AGPAT3: variants seen among roughly 807,000 people sequenced by gnomAD.
AGPAT3 encodes the protein 1-acylglycerol-3-phosphate O-acyltransferase 3.
Under a neutral mutation model 47.3 loss-of-function variants are expected in AGPAT3, and 5 were observed. The ratio of observed to expected loss-of-function variants is 0.11; its 90% CI spans 0.06 to 0.22. The LOEUF is 0.22. Among genes scored for constraint, AGPAT3 ranks in the 10% least tolerant of loss-of-function variants. The pLI, the probability that AGPAT3 is intolerant of heterozygous loss-of-function variation, is 1.00. For missense variants in AGPAT3, 315 were observed against 493.0 expected (o/e 0.64, Z 3.42); for synonymous variants, 212 against 208.3 (o/e 1.02, Z -0.15).
intron 8 of AGPAT3, among the ~76,000 whole-genome samples, chr21:43,979,996 G>A (rs912847990): frequency 1.1e-4 from 17 of 152,040 alleles, no homozygotes; most frequent in East Asian, 1.9e-4. Flanking sequence ...AAAAGAGAGC[G>A]GGTCGGCCAG....
intron 2 of AGPAT3, among the ~76,000 whole-genome samples, chr21:43,905,141 T>TC (rs1261964450): frequency 2.0e-5 from 3 of 149,336 alleles, no homozygotes; most frequent in African/African-American, 7.4e-5. Flanking sequence ...TTAGTGTCTC[T>TC]TTTTTTAAAA....
rs551116199 is a variant in AGPAT3, at chr21:43,985,565, C to G, written c.*3173C>G. The G allele has an allele frequency of 7.5e-6, 2 of 266,916 alleles. No individual in the cohort carries two copies. The highest frequency in any genetic ancestry group is 7.5e-5 in the South Asian group (2 of 26,662). 16.5% of individuals were successfully genotyped at this position (266,916 alleles called of 1,614,324 possible). ...AAGGAAAAGCCGTGGTTGGACCCAG[C>G]TGTGTGTTTCACTCACGTGCAATTG... On this transcript the variant is annotated 3_prime_UTR_variant, in exon 10 of 10. Transcript: ENST00000291572.
chr21:43,876,688 C>T (rs1248685514), intron 1 of AGPAT3, among the ~76,000 whole-genome samples: 1 of 152,152 alleles, frequency 6.6e-6, no homozygotes. Context: ...ATTAGATATA[C>T]CAAAATGACC....
Position 43,929,778 on chromosome 21 carries a change from C to G in AGPAT3, c.-49+25759C>G, listed in dbSNP as rs192434837. Among the ~76,000 whole-genome samples the G allele has an allele frequency of 2.8e-4, 43 of 152,318 alleles. No homozygotes were observed. In the East Asian group the frequency reaches 6.2e-3, roughly 22 times the overall value. The stretch of plus-strand genomic sequence containing the variant: ...GCAGGATGGGCAGGAGCTGTGGGGC[C>G]CGTGAGTGCTGGGCCTTGACCCTCT... On this transcript the variant is annotated intron_variant, in intron 2 of 9. Transcript: ENST00000291572.
At chr21:43,884,449 C>T (rs759796782) in intron 1 of AGPAT3, among the ~76,000 whole-genome samples, 4 of 152,162 alleles carry the variant, frequency 2.6e-5, no homozygotes, top group African/African-American at 7.2e-5. Flanking sequence ...TTTCCTAATC[C>T]GAAAGAGCCG....
In AGPAT3 at chr21:43,954,911, AC is replaced by A; in HGVS notation, c.-48-4722del. 1 of 692,714 alleles carries A rather than the reference AC, an allele frequency of 1.4e-6. No individual in the cohort carries two copies. The highest frequency in any genetic ancestry group is 1.9e-6 in the Non-Finnish European group (1 of 525,176). The allele number at this position is 692,714 out of a possible 1,614,324, so 42.9% of individuals were successfully genotyped here. A position where few individuals can be genotyped will look rare whatever the true frequency, so the allele number is the denominator to read the frequency against. ...GGCTCTCCGGGGAGTCTCTGCGTAG[AC>A]TTTCTAGCCCAGAGGTTCAGGTGAT... On this transcript the variant is annotated intron_variant, in intron 2 of 9. Transcript: ENST00000291572. This position sits in a 1 kb window ranked among gnomAD's most constrained non-coding sequence, Gnocchi z 4.0.
In AGPAT3 at chr21:43,967,931, T is replaced by TC; in HGVS notation, c.179-10dup. The TC allele has an allele frequency of 1.2e-6, 2 of 1,611,022 alleles. No homozygotes were observed. The highest frequency in any genetic ancestry group is 1.7e-6 in the Non-Finnish European group (2 of 1,178,090). On this transcript the variant is annotated splice_polypyrimidine_tract_variant and intron_variant, in intron 3 of 9. Transcript: ENST00000291572. ...AGGGGTCCTACCAGTGCCAACGCCC[T>TC]CCCCCTGTCCGCAGAACTGGTCATG...
chr21:43,901,058 T>A (rs1463217062), intron 1 of AGPAT3, among the ~76,000 whole-genome samples: 1 of 152,104 alleles, frequency 6.6e-6, no homozygotes, highest in African/African-American at 2.4e-5. Context: ...TTCCAGCCCT[T>A]TGGGAGGCTG....
Position 43,879,295 on chromosome 21 carries a change from C to A in AGPAT3, c.-112+13950C>A, listed in dbSNP as rs191191712. On this transcript the variant is annotated intron_variant, in intron 1 of 9. Coordinates refer to ENST00000291572, the MANE Select transcript of AGPAT3 (RefSeq NM_020132.5). The stretch of plus-strand genomic sequence containing the variant: ...AACCCAGGAGGTGGAGGTTGCAGTG[C>A]GCTGAGATTGTGCCACTGCACTCCA... 5.8e-5 allele frequency among the ~76,000 whole-genome samples: 8 copies of A among 138,392 alleles called. No individual in the cohort carries two copies. The Admixed American group carries it at 6.4e-4, about 11-fold the overall frequency. 90.8% of individuals were successfully genotyped at this position (138,392 alleles called of 152,430 possible).
At chr21:43,888,065 G>A (rs909618102) in intron 1 of AGPAT3, among the ~76,000 whole-genome samples, 1 of 152,222 alleles carries the variant, frequency 6.6e-6, no homozygotes, top group Non-Finnish European at 1.5e-5. Flanking sequence ...TTTTGAGACA[G>A]AGTCTCACTC....
At chr21:43,938,075 C>T (rs1280954085) in intron 2 of AGPAT3, among the ~76,000 whole-genome samples, 1 of 146,940 alleles carries the variant, frequency 6.8e-6, no homozygotes, top group East Asian at 2.0e-4. Flanking sequence ...TTTCTCCTCT[C>T]TCCCCCACTT....
rs2086936608 is a variant in AGPAT3 at position 43,922,918 on chromosome 21, TC to T, written c.-49+18903del. Among the ~76,000 whole-genome samples the T allele has an allele frequency of 6.6e-6, 1 of 152,160 alleles. No individual in the cohort carries two copies. Among genetic ancestry groups the T allele is most frequent in the African/African-American group, 2.4e-5 (1 of 41,430 alleles). On this transcript the variant is annotated intron_variant, in intron 2 of 9. Coordinates refer to ENST00000291572, the MANE Select transcript of AGPAT3 (RefSeq NM_020132.5). The surrounding 1 kb of genome is among the most constrained non-coding windows in gnomAD (Gnocchi z 4.9). ...CTGGGGTCTGGGCATGGGGCGCCTG[TC>T]CCCAGCGGGGCGGGCTCTGGGGTGC...
At chr21:43,901,296 C>A (rs1447710863) in intron 1 of AGPAT3, among the ~76,000 whole-genome samples, 2 of 142,382 alleles carry the variant, frequency 1.4e-5, no homozygotes, top group Admixed American at 7.3e-5. Flanking sequence ...GTACTCTAGT[C>A]CAGGCAACAG....
intron 2 of AGPAT3, among the ~76,000 whole-genome samples, chr21:43,935,470 C>T (rs1044830799): frequency 6.6e-6 from 1 of 152,252 alleles, no homozygotes; most frequent in African/African-American, 2.4e-5. Flanking sequence ...CCCACAATGT[C>T]CCCACAGTTT....
chr21:43,964,730 C>G (rs2089042085), intron 3 of AGPAT3, among the ~76,000 whole-genome samples: 1 of 152,178 alleles, frequency 6.6e-6, no homozygotes, highest in Admixed American at 6.5e-5. Flanking sequence ...TCAGTAAGAA[C>G]AGAAATAATC....
chr21:43,959,288 G>C (rs952541351), intron 2 of AGPAT3, among the ~76,000 whole-genome samples: 3 of 133,536 alleles, frequency 2.2e-5, no homozygotes, highest in African/African-American at 8.4e-5. Context: ...GCATGTGTGG[G>C]GTTTGTGATG....
In AGPAT3 at chr21:43,933,809, G is replaced by C. The variant is rs1228317929; in HGVS notation, c.-48-25825G>C. 6.6e-6 allele frequency among the ~76,000 whole-genome samples: 1 copy of C among 152,032 alleles called. No individual in the cohort carries two copies. The highest frequency in any genetic ancestry group is 1.5e-5 in the Non-Finnish European group (1 of 68,006). On this transcript the variant is annotated intron_variant, in intron 2 of 9. Transcript: ENST00000291572. The surrounding 1 kb of genome is among the most constrained non-coding windows in gnomAD (Gnocchi z 6.0). ...ACAGGCCCAAGCACCAGCTGCAAGA[G>C]CCAGAGGACGGCACTCCCGCGCCTG...
intron 2 of AGPAT3, among the ~76,000 whole-genome samples, chr21:43,927,954 A>C (rs1177790166): frequency 1.3e-5 from 2 of 152,082 alleles, no homozygotes; most frequent in African/African-American, 4.8e-5. Context: ...CCTTGCCCCA[A>C]ATTCTGGAAC....
intron 3 of AGPAT3, among the ~76,000 whole-genome samples, chr21:43,962,971 C>T (rs990259273): frequency 1.3e-5 from 2 of 152,088 alleles, no homozygotes; most frequent in African/African-American, 4.8e-5. Flanking sequence ...AAAGCAAAAA[C>T]TTACAGACAG....
Sources: gnomAD v4.1 joint callset for allele counts (sites outside exome capture counted in the v4.1 genomes callset) on GRCh38, gnomAD v4.1.1 for gene constraint, Gnocchi (gnomAD v3.1) non-coding constraint, MANE v1.5 for transcripts, NCBI Gene and HGNC (gene_info 2026-07-23, HGNC 2026-07-21) for gene names.